DCDC1: variants seen among roughly 807,000 people sequenced by gnomAD.
DCDC1 encodes the protein doublecortin domain-containing protein 1.
Under a neutral mutation model 178.3 loss-of-function variants are expected in DCDC1, and 200 were observed. The ratio of observed to expected loss-of-function variants is 1.12; its 90% CI spans 1.00 to 1.26. The LOEUF (loss-of-function observed/expected upper bound fraction) is 1.26. Ranked by LOEUF, DCDC1 falls within the 50% of genes most tolerant of loss-of-function variation. DCDC1 has a pLI of 0.00. For missense variants in DCDC1, 1,983 were observed against 1,749.2 expected, an observed-to-expected ratio of 1.13 and a Z score of -2.38; for synonymous variants, 690 against 604.8, an observed-to-expected ratio of 1.14 and a Z score of -2.07.
intron 20 of DCDC1, among the ~76,000 whole-genome samples, chr11:30,957,612 G>A (rs1948843311): frequency 6.6e-6 from 1 of 152,158 alleles, no homozygotes; most frequent in Non-Finnish European, 1.5e-5. Flanking sequence ...TCCTAAGATT[G>A]TTGAGCAAGA....
intron 11 of DCDC1, among the ~76,000 whole-genome samples, chr11:31,124,112 A>G (rs1021285743): frequency 6.6e-6 from 1 of 152,074 alleles, no homozygotes; most frequent in Non-Finnish European, 1.5e-5. Context: ...TTCAAGGCGA[A>G]TGCTTCCAGC....
chr11:31,220,487 G>A (rs558647072), intron 9 of DCDC1, among the ~76,000 whole-genome samples: 5 of 152,288 alleles, frequency 3.3e-5, no homozygotes, highest in African/African-American at 1.2e-4. Context: ...GAGCAAGGCA[G>A]TATTGCTAAA....
chr11:31,159,742 G>C (rs546567639), intron 9 of DCDC1, among the ~76,000 whole-genome samples: 8 of 152,196 alleles, frequency 5.3e-5, no homozygotes, highest in African/African-American at 1.4e-4. Context: ...TGAATTGTGA[G>C]GGATTAACAA....
At chr11:31,269,853 G>A (rs1945431661) in intron 7 of DCDC1, among the ~76,000 whole-genome samples, 1 of 152,160 alleles carries the variant, frequency 6.6e-6, no homozygotes, top group South Asian at 2.1e-4. Flanking sequence ...TCCACATCCA[G>A]ACATATCTAT....
At chr11:30,916,242 A>G (rs1945827706) in intron 26 of DCDC1, among the ~76,000 whole-genome samples, 1 of 152,224 alleles carries the variant, frequency 6.6e-6, no homozygotes, top group African/African-American at 2.4e-5. Context: ...AGGACCTTAC[A>G]TTAAGCAGAA....
intron 20 of DCDC1, among the ~76,000 whole-genome samples, chr11:30,975,162 A>G (rs964275675): frequency 3.3e-5 from 5 of 152,166 alleles, no homozygotes; most frequent in Non-Finnish European, 7.4e-5. Flanking sequence ...GCATTTGATA[A>G]AATTTAACAT....
intron 11 of DCDC1, among the ~76,000 whole-genome samples, chr11:31,121,637 A>G (rs1205411793): frequency 6.6e-6 from 1 of 151,750 alleles, no homozygotes; most frequent in East Asian, 1.9e-4. Context: ...ATACAATATG[A>G]AAAAGCAGCT....
At chr11:30,975,600 C>G (rs1332040805) in intron 20 of DCDC1, among the ~76,000 whole-genome samples, 1 of 151,846 alleles carries the variant, frequency 6.6e-6, no homozygotes, top group African/African-American at 2.4e-5. Flanking sequence ...GAAATCGAGG[C>G]TCATTTATAA....
intron 18 of DCDC1, among the ~76,000 whole-genome samples, chr11:31,073,332 G>T (rs573512): frequency 0.12 from 18,754 of 152,102 alleles, 1,343 homozygotes; most frequent in East Asian, 0.29. Flanking sequence ...GAGACAAAAA[G>T]AAAGGTAAAA....
intron 9 of DCDC1, among the ~76,000 whole-genome samples, chr11:31,221,482 C>G (rs1974255882): frequency 6.6e-6 from 1 of 152,338 alleles, no homozygotes; most frequent in South Asian, 2.1e-4. Flanking sequence ...TCCAGGCCCA[C>G]TGGGGTGGTA....
chr11:31,242,587 CA>C (rs1216087900), intron 8 of DCDC1, among the ~76,000 whole-genome samples: 2 of 151,870 alleles, frequency 1.3e-5, no homozygotes, highest in Non-Finnish European at 2.9e-5. Flanking sequence ...TTCTGATACA[CA>C]TTTCTGCTAG....
chr11:31,040,307 T>C (rs1266021372), intron 20 of DCDC1, among the ~76,000 whole-genome samples: 1 of 152,212 alleles, frequency 6.6e-6, no homozygotes, highest in Non-Finnish European at 1.5e-5. Context: ...TTTTGCACAA[T>C]ATTTGCACAA....
intron 1 of DCDC1, among the ~76,000 whole-genome samples, chr11:31,345,502 C>T (rs77739204): frequency 1.3e-5 from 2 of 152,078 alleles, no homozygotes; most frequent in Admixed American, 1.3e-4. Context: ...CTCTACTACA[C>T]ACTCTTTCAT....
intron 37 of DCDC1, among the ~76,000 whole-genome samples, chr11:30,880,035 T>C (rs933887626): frequency 3.9e-5 from 6 of 152,184 alleles, no homozygotes; most frequent in African/African-American, 1.4e-4. Flanking sequence ...ATATTTTTAA[T>C]TAGATTGAAA....
In DCDC1 at chr11:30,945,742, ATCTATCTGTCTG is replaced by A. The variant is rs1465114083; in HGVS notation, c.2715+6691_2715+6702del. The stretch of plus-strand genomic sequence containing the variant: ...TATCTATCTATCTATCTATCTATCT[ATCTATCTGTCTG>A]TCTGTCTATCTATCTATAGATAGAT... On this transcript the variant is annotated intron_variant, in intron 21 of 38. Transcript: ENST00000684477. Among the ~76,000 whole-genome samples, 785 of 130,052 alleles carry A rather than the reference ATCTATCTGTCTG, an allele frequency of 6.0e-3. 6 individuals are homozygous for A. The highest frequency in any genetic ancestry group is 0.023 in the African/African-American group (744 of 31,888). 85.3% of individuals were successfully genotyped at this position (130,052 alleles called of 152,430 possible).
intron 17 of DCDC1, among the ~76,000 whole-genome samples, chr11:31,085,923 T>G (rs990230261): frequency 3.9e-5 from 6 of 152,230 alleles, no homozygotes; most frequent in African/African-American, 1.4e-4. Context: ...ACACAGGGTC[T>G]CACTATGTTG....
At chr11:31,144,233 A>G (rs1223103676) in intron 9 of DCDC1, among the ~76,000 whole-genome samples, 1 of 151,954 alleles carries the variant, frequency 6.6e-6, no homozygotes, top group Non-Finnish European at 1.5e-5. Flanking sequence ...CTCCCAGGTT[A>G]AAGTGATTCT....
intron 1 of DCDC1, among the ~76,000 whole-genome samples, chr11:31,350,088 A>G (rs1950999549): frequency 6.6e-6 from 1 of 152,174 alleles, no homozygotes; most frequent in Non-Finnish European, 1.5e-5. Flanking sequence ...CACATTTTTA[A>G]GGCTGTTGTG....
chr11:30,922,543 A>C lies in DCDC1; in HGVS notation c.3093T>G (p.Ile1031Met), dbSNP rs1946316481. 1.3e-6 allele frequency: 2 copies of C among 1,580,984 alleles called. No homozygotes were observed. Among genetic ancestry groups the C allele is most frequent in the African/African-American group, 1.4e-5 (1 of 72,538 alleles). Residue 1031 changes from isoleucine (I) to methionine (M), a missense_variant, in exon 24 of 39, where the codon ATT becomes ATG. Ile to Met is a conservative substitution (Grantham distance 10, BLOSUM62 1). Coordinates refer to ENST00000684477, the MANE Select transcript of DCDC1 (RefSeq NM_001387274.1). The part of the protein sequence containing the change: ...QIFLRNLESD[I>M]AKIQIFCSTH... ...TGCTGCAGAAGATTTGAATTTTGGC[A>C]ATGTCTGATTCTAGGTTCCTCAGGA...
Sources: gnomAD v4.1 joint callset for allele counts (sites outside exome capture counted in the v4.1 genomes callset) on GRCh38, gnomAD v4.1.1 for gene constraint, MANE v1.5 for transcripts, NCBI Gene and HGNC (gene_info 2026-07-23, HGNC 2026-07-21) for gene names.